Variants in DLG2 observed in about 807,000 individuals in gnomAD.
DLG2 encodes disks large homolog 2.
A neutral mutation model predicts 132.5 loss-of-function variants in DLG2; 45 were observed. That is an observed-to-expected ratio of 0.34 (90% CI 0.27 to 0.44). The LOEUF (loss-of-function observed/expected upper bound fraction) is 0.44. DLG2 is among the 20% of genes least tolerant of loss of function. DLG2 has a pLI of 1.00. For synonymous variants in DLG2, 424 were observed against 419.6 expected (o/e 1.01, Z -0.13); for missense variants, 1,045 against 1,196.9 (o/e 0.87, Z 1.87).
rs563191494 is a variant in DLG2 at position 84,426,229 on chromosome 11, C to T, written c.519+108341G>A. Among the ~76,000 whole-genome samples the T allele has an allele frequency of 1.3e-4, 20 of 152,102 alleles. No homozygotes were observed. The East Asian group carries it at 1.7e-3, about 13-fold the overall frequency. ...TAGTGGCGCATGAAGCCAATGAGGC[C>T]GAAGTTTGGAATTGCGAATATCTAG... On this transcript the variant is annotated intron_variant, in intron 7 of 27. Transcript: ENST00000376104.
intron 18 of DLG2, among the ~76,000 whole-genome samples, chr11:83,717,728 C>T (rs1489087362): frequency 1.3e-5 from 2 of 152,138 alleles, no homozygotes; most frequent in Non-Finnish European, 2.9e-5. Flanking sequence ...GCAATGCAAG[C>T]CAGCCCCTCT....
chr11:84,040,636 G>A (rs1173914450), intron 11 of DLG2, among the ~76,000 whole-genome samples: 3 of 151,602 alleles, frequency 2.0e-5, no homozygotes, highest in Admixed American at 6.6e-5. Context: ...TTGTAGTATA[G>A]TTTGAAGTCA....
chr11:83,684,938 C>T (rs115081341), intron 18 of DLG2, among the ~76,000 whole-genome samples: 2,566 of 152,182 alleles, frequency 0.017, 79 homozygotes, highest in African/African-American at 0.058. Flanking sequence ...CCACTTCAAC[C>T]AACAATTACT....
chr11:85,142,229 C>A lies in DLG2; in HGVS notation c.282+12327G>T, dbSNP rs913540262. 8.6e-5 allele frequency among the ~76,000 whole-genome samples: 13 copies of A among 151,692 alleles called. 1 individual carries two copies. Among genetic ancestry groups the A allele is most frequent in the Non-Finnish European group, 1.2e-4 (8 of 67,680 alleles). ...CCATTTTTTGTGCCCTCTTCAATTTCTTTTACTAATGTTTTATCGTTTTCA... is the reference window on the plus strand; with the variant it reads ...CCATTTTTTGTGCCCTCTTCAATTTATTTTACTAATGTTTTATCGTTTTCA... On this transcript the variant is annotated intron_variant, in intron 5 of 27. Coordinates refer to ENST00000376104, the MANE Select transcript of DLG2 (RefSeq NM_001142699.3).
intron 6 of DLG2, among the ~76,000 whole-genome samples, chr11:84,868,676 C>T (rs1260904868): frequency 6.6e-6 from 1 of 152,034 alleles, no homozygotes; most frequent in East Asian, 1.9e-4. Flanking sequence ...AATGATGAGT[C>T]GGGCAGACAC....
At chr11:84,119,453 T>C (rs2093798776) in intron 9 of DLG2, among the ~76,000 whole-genome samples, 2 of 150,958 alleles carry the variant, frequency 1.3e-5, no homozygotes, top group South Asian at 4.2e-4. Flanking sequence ...ATATATGTTA[T>C]ATATATAAAT....
intron 6 of DLG2, among the ~76,000 whole-genome samples, chr11:84,999,239 G>A (rs1197820169): frequency 6.6e-6 from 1 of 152,084 alleles, no homozygotes; most frequent in Non-Finnish European, 1.5e-5. Context: ...TTACAAGGTT[G>A]CTAGGCAGAT....
At chr11:83,499,150 T>C (rs2094312605) in intron 21 of DLG2, among the ~76,000 whole-genome samples, 1 of 152,290 alleles carries the variant, frequency 6.6e-6, no homozygotes, top group Admixed American at 6.5e-5. Flanking sequence ...TGAAAGCCAA[T>C]TCTCACAAAG....
chr11:85,626,046 G>A (rs992148781), intron 2 of DLG2, among the ~76,000 whole-genome samples: 3 of 152,206 alleles, frequency 2.0e-5, no homozygotes, highest in African/African-American at 7.2e-5. Flanking sequence ...CATATATCTG[G>A]AAAAGCACAA....
At position 85,418,911 on chromosome 11, in the gene DLG2, G is replaced by A. The variant is rs1317862759; in HGVS notation, c.41-133546C>T. ...ATTTTCCAGTCTATGTCTTTTAATT[G>A]GGGCATTTAGCCCATTTACATTTAA... On this transcript the variant is annotated intron_variant, in intron 3 of 27. Transcript: ENST00000376104. 6.6e-5 allele frequency among the ~76,000 whole-genome samples: 10 copies of A among 152,044 alleles called. No homozygotes were observed. The East Asian group carries it at 1.9e-3, about 29-fold the overall frequency.
chr11:85,482,277 C>T (rs1204734992), intron 3 of DLG2, among the ~76,000 whole-genome samples: 1 of 152,186 alleles, frequency 6.6e-6, no homozygotes, highest in East Asian at 1.9e-4. Flanking sequence ...CAAGCTAGCT[C>T]CTATGGCCCC....
At position 84,774,640 on chromosome 11, in the gene DLG2, C is replaced by A. The variant is rs76344094; in HGVS notation, c.358-239909G>T. ...GGCCGAGAACGCAGAAATAAAGCTG[C>A]ACAACTACAGCCACCTGCTCTTGAC... On this transcript the variant is annotated intron_variant, in intron 6 of 27. Coordinates refer to ENST00000376104, the MANE Select transcript of DLG2 (RefSeq NM_001142699.3). Among the ~76,000 whole-genome samples, 1,115 of 152,138 alleles carry A rather than the reference C, an allele frequency of 7.3e-3. 16 individuals are homozygous for A. Among genetic ancestry groups the A allele is most frequent in the African/African-American group, 0.024 (1,017 of 41,540 alleles).
intron 2 of DLG2, among the ~76,000 whole-genome samples, chr11:85,617,556 T>C (rs1020511495): frequency 6.6e-6 from 1 of 152,252 alleles, no homozygotes; most frequent in South Asian, 2.1e-4. Context: ...TCTGGCACTA[T>C]GCCTGGCACA....
intron 3 of DLG2, among the ~76,000 whole-genome samples, chr11:85,304,165 T>C (rs776890935): frequency 5.9e-5 from 9 of 152,160 alleles, no homozygotes; most frequent in Non-Finnish European, 1.2e-4. Flanking sequence ...AACCCTACAT[T>C]TTCCAGGAAC....
rs747035125 is a variant in DLG2 at position 83,980,503 on chromosome 11, C to T, written c.1056+3G>A. Reference sequence around the variant, plus strand: ...CACACAGTTTTGCTGGAGTCACACTCACCATTAGTAGTCTATCTCCTACTT... The same window carrying T: ...CACACAGTTTTGCTGGAGTCACACTTACCATTAGTAGTCTATCTCCTACTT... On this transcript the variant is annotated splice_donor_region_variant and intron_variant, in intron 12 of 27. Coordinates refer to ENST00000376104, the MANE Select transcript of DLG2 (RefSeq NM_001142699.3). 9 of 1,610,548 alleles carry T rather than the reference C, an allele frequency of 5.6e-6. No individual in the cohort carries two copies. Among genetic ancestry groups the T allele is most frequent in the Non-Finnish European group, 7.6e-6 (9 of 1,178,590 alleles).
chr11:83,576,288 A>T (rs1305885134), intron 19 of DLG2, among the ~76,000 whole-genome samples: 1 of 152,192 alleles, frequency 6.6e-6, no homozygotes, highest in South Asian at 2.1e-4. Flanking sequence ...GACACCCTCA[A>T]GTAGACTAAT....
At chr11:84,501,648 ACAGT>A (rs1177635748) in intron 7 of DLG2, among the ~76,000 whole-genome samples, 3 of 152,214 alleles carry the variant, frequency 2.0e-5, no homozygotes, top group Admixed American at 6.5e-5. Context: ...TTTGTGAGAA[ACAGT>A]CAGGTATATG....
chr11:84,142,217 G>A lies in DLG2; in HGVS notation c.624+21244C>T, dbSNP rs371128924. Among the ~76,000 whole-genome samples, 163 of 150,886 alleles carry A rather than the reference G, an allele frequency of 1.1e-3. No homozygotes were observed. The South Asian group carries it at 0.019, about 18-fold the overall frequency. ...CTTGGGAGGCTGAGGCAGGAGAATC[G>A]TTTGAACACAGGAGAATCATTTGAA... On this transcript the variant is annotated intron_variant, in intron 9 of 27. Transcript: ENST00000376104.
chr11:85,182,386 T>C (rs1297201944), intron 4 of DLG2, among the ~76,000 whole-genome samples: 3 of 151,950 alleles, frequency 2.0e-5, no homozygotes, highest in Admixed American at 2.0e-4. Context: ...AAGAATGAAA[T>C]AAGAATTATA....
Sources: gnomAD v4.1 joint callset for allele counts (sites outside exome capture counted in the v4.1 genomes callset) on GRCh38, gnomAD v4.1.1 for gene constraint, MANE v1.5 for transcripts, NCBI Gene and HGNC (gene_info 2026-07-23, HGNC 2026-07-21) for gene names.